The following NRXN3 variants were observed in gnomAD, a reference collection of about 807,000 sequenced individuals.
The protein encoded by NRXN3 is neurexin III.
A neutral mutation model predicts 137.6 loss-of-function variants in NRXN3; 32 were observed. That is an observed-to-expected ratio of 0.23 (90% CI 0.18 to 0.31). The LOEUF is 0.31. Among genes scored for constraint, NRXN3 ranks in the 10% least tolerant of loss-of-function variants. The pLI, the probability that NRXN3 is intolerant of heterozygous loss-of-function variation, is 1.00. For missense variants in NRXN3, 1,574 were observed against 2,062.5 expected (o/e 0.76, Z 4.59); for synonymous variants, 798 against 784.5 (o/e 1.02, Z -0.29).
chr14:79,616,833 C>T (rs2098161713), intron 16 of NRXN3, among the ~76,000 whole-genome samples: 1 of 152,128 alleles, frequency 6.6e-6, no homozygotes, highest in Admixed American at 6.5e-5. Flanking sequence ...AGTCGAACTC[C>T]TTCTTTCATA....
chr14:79,588,498 ACTGACAGCTTTTGTTGATGAG>A (rs1454367211), intron 16 of NRXN3, among the ~76,000 whole-genome samples: 5 of 152,176 alleles, frequency 3.3e-5, no homozygotes, highest in Non-Finnish European at 5.9e-5. Context: ...TTTGAACTAA[ACTGACAGCTTTTGTTGATGAG>A]CTGTTAGGCA....
At chr14:79,423,266 G>A (rs189838247) in intron 15 of NRXN3, among the ~76,000 whole-genome samples, 1 of 152,098 alleles carries the variant, frequency 6.6e-6, no homozygotes, top group African/African-American at 2.4e-5. Context: ...ACTGTGTAAA[G>A]AATTTGCCAT....
chr14:79,563,348 A>G (rs1425895373), intron 16 of NRXN3, among the ~76,000 whole-genome samples: 1 of 152,040 alleles, frequency 6.6e-6, no homozygotes, highest in Non-Finnish European at 1.5e-5. Context: ...CTCACCCTTC[A>G]CTTGTGCCCT....
intron 4 of NRXN3, among the ~76,000 whole-genome samples, chr14:78,595,300 AT>A (rs374504907): frequency 2.2e-4 from 34 of 152,342 alleles, no homozygotes; most frequent in African/African-American, 7.9e-4. Flanking sequence ...ACAGGGTTGA[AT>A]ACCTAAGAAG....
intron 15 of NRXN3, among the ~76,000 whole-genome samples, chr14:79,172,384 T>C (rs2061872988): frequency 6.6e-6 from 1 of 152,188 alleles, no homozygotes; most frequent in Non-Finnish European, 1.5e-5. Context: ...TTTTTATTTT[T>C]TGCCTTATGG....
chr14:78,315,261 G>T (rs897932116), intron 4 of NRXN3, among the ~76,000 whole-genome samples: 2 of 151,974 alleles, frequency 1.3e-5, no homozygotes, highest in Non-Finnish European at 2.9e-5. Flanking sequence ...CCAAAGTGCT[G>T]GGATTACAGG....
chr14:79,863,597 C>T lies in NRXN3; in HGVS notation c.*1633C>T, dbSNP rs1389059039. 6.6e-6 allele frequency: 1 copy of T among 151,222 alleles called. No individual in the cohort carries two copies. Among genetic ancestry groups the T allele is most frequent in the Non-Finnish European group, 1.5e-5 (1 of 67,748 alleles). 9.4% of individuals were successfully genotyped at this position (151,222 alleles called of 1,614,324 possible). On this transcript the variant is annotated 3_prime_UTR_variant, in exon 21 of 21. Coordinates refer to ENST00000335750, the MANE Select transcript of NRXN3 (RefSeq NM_001330195.2). ...AATTCCTTAGCCACCTATGTACATA[C>T]TGCTTTAAGAAATGTTTTTTTCCTG...
intron 16 of NRXN3, among the ~76,000 whole-genome samples, chr14:79,626,044 A>G (rs2098278432): frequency 6.6e-6 from 1 of 152,236 alleles, no homozygotes; most frequent in African/African-American, 2.4e-5. Flanking sequence ...TTAATTACTT[A>G]TAAGTTTACA....
chr14:79,231,497 C>A (rs2072192694), intron 15 of NRXN3, among the ~76,000 whole-genome samples: 1 of 152,146 alleles, frequency 6.6e-6, no homozygotes, highest in South Asian at 2.1e-4. Context: ...GTAAAAGTGT[C>A]TTCCTGTTTC....
intron 15 of NRXN3, among the ~76,000 whole-genome samples, chr14:79,140,853 A>G (rs1384713694): frequency 6.6e-6 from 1 of 152,138 alleles, no homozygotes; most frequent in African/African-American, 2.4e-5. Context: ...GAATGCCTTA[A>G]CTTGCCCTTA....
chr14:79,221,570 A>G (rs546854419), intron 15 of NRXN3, among the ~76,000 whole-genome samples: 37 of 152,242 alleles, frequency 2.4e-4, no homozygotes, highest in Non-Finnish European at 4.7e-4. Flanking sequence ...GTGTCTGCTC[A>G]TATCCTTCAC....
At chr14:79,246,353 G>A (rs2075180539) in intron 15 of NRXN3, among the ~76,000 whole-genome samples, 1 of 152,110 alleles carries the variant, frequency 6.6e-6, no homozygotes, top group Non-Finnish European at 1.5e-5. Flanking sequence ...CTCACTCATG[G>A]AGCGATTACA....
intron 1 of NRXN3, among the ~76,000 whole-genome samples, chr14:78,237,258 T>C (rs928610515): frequency 6.6e-6 from 1 of 152,200 alleles, no homozygotes; most frequent in African/African-American, 2.4e-5. Flanking sequence ...GGTCCAGTAT[T>C]AGGAGTGTAT....
chr14:78,709,378 C>T lies in NRXN3; in HGVS notation c.1383C>T (p.Pro461=), dbSNP rs371323194. The T allele has an allele frequency of 2.7e-4, 440 of 1,614,144 alleles. No homozygotes were observed. The highest frequency in any genetic ancestry group is 1.5e-3 in the Middle Eastern group (9 of 6,062). Residue 461 remains proline, a synonymous_variant, in exon 7 of 21, where the codon CCC becomes CCT. Transcript: ENST00000335750. The part of the protein sequence containing the change: ...FETPEAYISL[P]KWNTKRMGSI... ...CCCCAGAGGCTTACATCAGCTTGCCCAAGTGGAACACTAAACGTATGGGCT... is the reference window on the plus strand; with the variant it reads ...CCCCAGAGGCTTACATCAGCTTGCCTAAGTGGAACACTAAACGTATGGGCT...
chr14:78,974,652 T>C (rs1434977075), intron 14 of NRXN3, among the ~76,000 whole-genome samples: 5 of 152,212 alleles, frequency 3.3e-5, no homozygotes, highest in Admixed American at 2.0e-4. Flanking sequence ...TGTAATGACT[T>C]GACAGTCTCT....
chr14:79,172,801 A>G (rs2061917503), intron 15 of NRXN3, among the ~76,000 whole-genome samples: 1 of 152,198 alleles, frequency 6.6e-6, no homozygotes, highest in African/African-American at 2.4e-5. Context: ...TTTGAGTAAG[A>G]ACTATGCTTT....
At chr14:78,911,747 T>A (rs1019934516) in intron 10 of NRXN3, among the ~76,000 whole-genome samples, 2 of 152,130 alleles carry the variant, frequency 1.3e-5, no homozygotes, top group Admixed American at 1.3e-4. Flanking sequence ...ACTAAAATAA[T>A]GGTATGATAC....
intron 4 of NRXN3, among the ~76,000 whole-genome samples, chr14:78,461,245 G>A (rs943379516): frequency 3.9e-5 from 6 of 152,132 alleles, no homozygotes; most frequent in African/African-American, 9.7e-5. Context: ...AGTGCTCAGT[G>A]AAAAAAGTAC....
chr14:78,197,452 G>A (rs1477026088), intron 1 of NRXN3, among the ~76,000 whole-genome samples: 1 of 152,230 alleles, frequency 6.6e-6, no homozygotes, highest in African/African-American at 2.4e-5. Context: ...CAATTGGGGA[G>A]GTTCTTGGTT....
Sources: allele counts gnomAD v4.1 joint callset (sites outside exome capture counted in the v4.1 genomes callset), GRCh38; gene constraint gnomAD v4.1.1; transcripts MANE v1.5; gene names NCBI Gene and HGNC (gene_info 2026-07-23, HGNC 2026-07-21).